The following CGGBP1 variants were observed in gnomAD, a reference collection of about 807,000 sequenced individuals.
CGGBP1 encodes CGG triplet repeat-binding protein 1.
In CGGBP1, 4 loss-of-function variants were observed where a neutral mutation model predicts 11.4. The ratio of observed to expected loss-of-function variants is 0.35; its 90% CI spans 0.17 to 0.80. The LOEUF is 0.80. CGGBP1 is among the 30% of genes least tolerant of loss of function. The pLI is 0.52. For synonymous variants in CGGBP1, 76 were observed against 74.1 expected (o/e 1.03, Z -0.13); for missense variants, 135 against 202.1 (o/e 0.67, Z 2.01).
At chr3:88,144,030 C>T (rs1007497164) in intron 1 of CGGBP1, 2 of 152,178 alleles carry the variant, frequency 1.3e-5, no homozygotes, top group African/African-American at 4.8e-5. Flanking sequence ...ATGTATTCAT[C>T]CTACATGGAC....
rs1453307472 is a variant in CGGBP1, at chr3:88,108,171, G to GAATGAAT, written c.-229+32798_-229+32799insATTCATT. 1.7e-3 allele frequency among the ~76,000 whole-genome samples: 263 copies of GAATGAAT among 151,678 alleles called. 1 individual carries two copies. Among genetic ancestry groups the GAATGAAT allele is most frequent in the African/African-American group, 5.1e-3 (213 of 41,400 alleles). On this transcript the variant is annotated intron_variant, in intron 2 of 3. Coordinates refer to the CGGBP1 transcript ENST00000462901. ...TGACCATGTAGGTATATGAATTCAG[G>GAATGAAT]TCACGACCTACATGAGAAGATTTTC...
chr3:88,140,036 C>T (rs1248690809), intron 2 of CGGBP1: 6 of 1,613,696 alleles, frequency 3.7e-6, no homozygotes, highest in East Asian at 2.2e-5. Flanking sequence ...AAGGAAAATG[C>T]AAATTTTGTC....
chr3:88,077,948 G>A (rs1707901292), intron 2 of CGGBP1, among the ~76,000 whole-genome samples: 1 of 152,062 alleles, frequency 6.6e-6, no homozygotes, highest in Non-Finnish European at 1.5e-5. Context: ...TGAATTTTAG[G>A]TGACTATTAT....
At chr3:88,106,987 A>C (rs1178226742) in intron 2 of CGGBP1, among the ~76,000 whole-genome samples, 1 of 152,202 alleles carries the variant, frequency 6.6e-6, no homozygotes, top group Non-Finnish European at 1.5e-5. Flanking sequence ...TCGTGTGCCA[A>C]CACAATGTTG....
intron 2 of CGGBP1, among the ~76,000 whole-genome samples, chr3:88,108,674 T>A (rs1158159587): frequency 6.6e-6 from 1 of 152,182 alleles, no homozygotes; most frequent in Non-Finnish European, 1.5e-5. Context: ...GGTTATCAGA[T>A]CAACTATCAT....
chr3:88,089,034 A>G lies in CGGBP1; in HGVS notation c.-228-30811T>C, dbSNP rs542463496. The stretch of plus-strand genomic sequence containing the variant: ...ATGATCTACCCACCTCAGGCTCCCA[A>G]AGTGCTGGGATTACAGGCATGAGCT... On this transcript the variant is annotated intron_variant, in intron 2 of 3. Coordinates refer to the CGGBP1 transcript ENST00000462901. 3.3e-5 allele frequency among the ~76,000 whole-genome samples: 5 copies of G among 151,952 alleles called. No individual in the cohort carries two copies. The South Asian group carries it at 1.0e-3, about 32-fold the overall frequency.
chr3:88,075,262 C>T (rs774272245), intron 2 of CGGBP1, among the ~76,000 whole-genome samples: 8 of 152,188 alleles, frequency 5.3e-5, no homozygotes, highest in South Asian at 2.1e-4. Context: ...TAGTTTGTAA[C>T]GCTTCAAGCA....
chr3:88,105,970 T>C lies in CGGBP1; in HGVS notation c.-229+35000A>G, dbSNP rs116550679. Among the ~76,000 whole-genome samples the C allele has an allele frequency of 6.3e-3, 964 of 152,306 alleles. 3 individuals are homozygous for C. Among genetic ancestry groups the C allele is most frequent in the Non-Finnish European group, 0.011 (732 of 68,032 alleles). On this transcript the variant is annotated intron_variant, in intron 2 of 3. Transcript: ENST00000462901. ...GGCCTCTTTTTGCTGCTTGGCCCTT[T>C]TACCTTCTGCCATGTAATGATCTAG...
intron 2 of CGGBP1, among the ~76,000 whole-genome samples, chr3:88,099,000 G>A (rs1470437532): frequency 1.3e-5 from 2 of 152,144 alleles, no homozygotes; most frequent in Non-Finnish European, 2.9e-5. Context: ...TCAGGCGAGA[G>A]AAAGAAATAA....
chr3:88,126,160 T>C (rs532828323), intron 2 of CGGBP1: 5 of 1,520,096 alleles, frequency 3.3e-6, no homozygotes, highest in Admixed American at 2.0e-5. Context: ...TCCGCAGATA[T>C]GGAAATGTGA....
intron 2 of CGGBP1, among the ~76,000 whole-genome samples, chr3:88,068,836 A>G (rs1430063348): frequency 2.6e-5 from 4 of 152,182 alleles, no homozygotes; most frequent in Non-Finnish European, 5.9e-5. Context: ...AGTATGTGAT[A>G]ATCAGACTGT....
At chr3:88,106,621 G>A (rs1406590525) in intron 2 of CGGBP1, among the ~76,000 whole-genome samples, 1 of 152,178 alleles carries the variant, frequency 6.6e-6, no homozygotes, top group Admixed American at 6.6e-5. Flanking sequence ...GGGATTACAG[G>A]TGTGAGCCAC....
At chr3:88,097,451 G>A (rs1430415682) in intron 2 of CGGBP1, among the ~76,000 whole-genome samples, 1 of 151,838 alleles carries the variant, frequency 6.6e-6, no homozygotes, top group African/African-American at 2.4e-5. Context: ...AGGATATCTG[G>A]GACTTGAACT....
At chr3:88,135,292 A>C in intron 2 of CGGBP1, 1 of 1,117,046 alleles carries the variant, frequency 9.0e-7, no homozygotes, top group Non-Finnish European at 1.2e-6. Context: ...ATTTGATTTT[A>C]AAACTGAAGG....
chr3:88,083,941 T>TATATATATATATATA (rs1708208971), intron 2 of CGGBP1, among the ~76,000 whole-genome samples: 6 of 147,804 alleles, frequency 4.1e-5, no homozygotes, highest in Non-Finnish European at 6.0e-5. Flanking sequence ...TGTACTTATT[T>TATATATATATATATA]TATATATATA....
chr3:88,102,744 C>T (rs1704499800), intron 2 of CGGBP1, among the ~76,000 whole-genome samples: 1 of 149,548 alleles, frequency 6.7e-6, no homozygotes, highest in Admixed American at 6.7e-5. Context: ...ATATGCTCCA[C>T]AATAAAGCCC....
At chr3:88,105,293 T>C (rs1283351820) in intron 2 of CGGBP1, among the ~76,000 whole-genome samples, 1 of 152,202 alleles carries the variant, frequency 6.6e-6, no homozygotes, top group East Asian at 1.9e-4. Context: ...CTGCTTTTTT[T>C]TACTTAGTAT....
chr3:88,139,068 G>A, intron 2 of CGGBP1: 2 of 1,264,558 alleles, frequency 1.6e-6, no homozygotes, highest in Non-Finnish European at 2.0e-6. Context: ...ATTATTGAGT[G>A]ATAAATCAGC....
intron 2 of CGGBP1, among the ~76,000 whole-genome samples, chr3:88,070,561 CT>C: frequency 1.1e-5 from 1 of 92,694 alleles, no homozygotes; most frequent in African/African-American, 3.8e-5. Flanking sequence ...GCAACACTGC[CT>C]GTTTTTTTTT....
Sources: allele counts gnomAD v4.1 joint callset (sites outside exome capture counted in the v4.1 genomes callset), GRCh38; gene constraint gnomAD v4.1.1; transcripts MANE v1.5; gene names NCBI Gene and HGNC (gene_info 2026-07-23, HGNC 2026-07-21).